RFTN1: variants seen among roughly 807,000 people sequenced by gnomAD.
The protein encoded by RFTN1 is raftlin, lipid raft linker 1.
A neutral mutation model predicts 46.5 loss-of-function variants in RFTN1; 26 were observed. The observed-to-expected ratio is 0.56, with a 90% CI of 0.41 to 0.78. The LOEUF is 0.78. RFTN1 is among the 30% of genes least tolerant of loss of function. RFTN1 has a pLI of 0.00. For missense variants in RFTN1, 693 were observed against 718.7 expected (o/e 0.96, Z 0.41); for synonymous variants, 261 against 284.2 (o/e 0.92, Z 0.82).
In RFTN1 at chr3:16,413,080, T is replaced by A. The variant is rs1424044506; in HGVS notation, c.333-3597A>T. ...TTTGAACCATGAAATGTGTTATCAT[T>A]TATTACAGAGCATAGAAAACTAATA... On this transcript the variant is annotated intron_variant, in intron 3 of 9. Coordinates refer to ENST00000334133, the MANE Select transcript of RFTN1 (RefSeq NM_015150.2). This position sits in a 1 kb window ranked among gnomAD's most constrained non-coding sequence, Gnocchi z 4.7. 2.0e-5 allele frequency among the ~76,000 whole-genome samples: 3 copies of A among 152,224 alleles called. No individual in the cohort carries two copies. The highest frequency in any genetic ancestry group is 6.5e-5 in the Admixed American group (1 of 15,284).
At chr3:16,495,900 C>G (rs2076617656) in intron 1 of RFTN1, among the ~76,000 whole-genome samples, 1 of 152,202 alleles carries the variant, frequency 6.6e-6, no homozygotes, top group South Asian at 2.1e-4. Context: ...GGCAGTGCTG[C>G]TTCAGTAGGG....
intron 2 of RFTN1, among the ~76,000 whole-genome samples, chr3:16,478,777 C>T (rs959988351): frequency 2.6e-5 from 4 of 152,328 alleles, no homozygotes; most frequent in Non-Finnish European, 5.9e-5. Flanking sequence ...CTTAGGGCCC[C>T]AATTCCTCAC....
rs1444731121 is a variant in RFTN1 at position 16,507,724 on chromosome 3, CACAA to C, written c.-9+5714_-9+5717del. Among the ~76,000 whole-genome samples the C allele has an allele frequency of 2.6e-5, 4 of 151,398 alleles. No homozygotes were observed. Among genetic ancestry groups the C allele is most frequent in the African/African-American group, 7.3e-5 (3 of 41,108 alleles). On this transcript the variant is annotated intron_variant, in intron 1 of 9. Coordinates refer to ENST00000334133, the MANE Select transcript of RFTN1 (RefSeq NM_015150.2). The surrounding 1 kb of genome is among the most constrained non-coding windows in gnomAD (Gnocchi z 7.1). ...ACATACATACACATACACACATACA[CACAA>C]ACACATACACACATACATGCACACT...
At chr3:16,482,233 A>G (rs1328966742) in intron 2 of RFTN1, among the ~76,000 whole-genome samples, 3 of 152,118 alleles carry the variant, frequency 2.0e-5, no homozygotes, top group Non-Finnish European at 4.4e-5. Context: ...AGACCACCCT[A>G]TTTGTCAGGC....
In RFTN1 at chr3:16,321,294, T is replaced by C. The variant is rs772990213; in HGVS notation, c.1332+2082A>G. On this transcript the variant is annotated intron_variant, in intron 9 of 9. Transcript: ENST00000334133. The surrounding 1 kb of genome is among the most constrained non-coding windows in gnomAD (Gnocchi z 4.8). ...CACAGAGGTGGTGAAGGAGATTTTC[T>C]AAGGAAGAGGCAAGAGTGAAGGGAG... is the stretch of plus-strand genomic sequence containing the variant. Among the ~76,000 whole-genome samples, 1 of 152,124 alleles carries C rather than the reference T, an allele frequency of 6.6e-6. No homozygotes were observed. Among genetic ancestry groups the C allele is most frequent in the Non-Finnish European group, 1.5e-5 (1 of 68,014 alleles).
In RFTN1 at chr3:16,370,792, A is replaced by C. The variant is rs761158018; in HGVS notation, c.827-513T>G. ...TCCTGGGGCTGAACCCATAATACTT[A>C]ATCAAGTACATCAAAAATACATCAT... is the stretch of plus-strand genomic sequence containing the variant. On this transcript the variant is annotated intron_variant, in intron 5 of 9. Coordinates refer to ENST00000334133, the MANE Select transcript of RFTN1 (RefSeq NM_015150.2). The surrounding 1 kb of genome is among the most constrained non-coding windows in gnomAD (Gnocchi z 5.5). 5.2e-5 allele frequency: 8 copies of C among 153,458 alleles called. No individual in the cohort carries two copies. Among genetic ancestry groups the C allele is most frequent in the Non-Finnish European group, 8.7e-5 (6 of 68,928 alleles). The allele number at this position is 153,458 out of a possible 1,614,324, so 9.5% of individuals were successfully genotyped here.
intron 4 of RFTN1, among the ~76,000 whole-genome samples, chr3:16,408,473 C>T (rs2074913570): frequency 6.7e-6 from 1 of 149,210 alleles, no homozygotes; most frequent in Non-Finnish European, 1.5e-5. Context: ...TTGTCGATTA[C>T]TAGGGAACAC....
chr3:16,419,811 A>G (rs2075151779), intron 3 of RFTN1, among the ~76,000 whole-genome samples: 1 of 152,200 alleles, frequency 6.6e-6, no homozygotes, highest in Non-Finnish European at 1.5e-5. Context: ...GAATTTACCC[A>G]CAGATGAGTC....
chr3:16,476,149 G>A (rs888991576), intron 2 of RFTN1, among the ~76,000 whole-genome samples: 6 of 152,184 alleles, frequency 3.9e-5, no homozygotes, highest in African/African-American at 9.6e-5. Context: ...CTGCATCCTC[G>A]CTTTGCCAGT....
In RFTN1 at chr3:16,361,560, G is replaced by C. The variant is rs1402613388; in HGVS notation, c.1031-3513C>G. ...GTGAACTAAGCAAGCAAGGAACATG[G>C]ATCTGCAGGGTTTGAGAGTTCCAGG... On this transcript the variant is annotated intron_variant, in intron 6 of 9. Coordinates refer to ENST00000334133, the MANE Select transcript of RFTN1 (RefSeq NM_015150.2). The surrounding 1 kb of genome is among the most constrained non-coding windows in gnomAD (Gnocchi z 4.3). Among the ~76,000 whole-genome samples the C allele has an allele frequency of 6.6e-6, 1 of 152,156 alleles. No homozygotes were observed. Among genetic ancestry groups the C allele is most frequent in the Non-Finnish European group, 1.5e-5 (1 of 68,024 alleles).
rs2076337288 is a variant in RFTN1, at chr3:16,479,893, A to G, written c.145+13832T>C. ...AAGGCAAATAATGGTAAATCATGGCAGATGCTTCTCCAAGATAACACACAG... is the reference window on the plus strand; with the variant it reads ...AAGGCAAATAATGGTAAATCATGGCGGATGCTTCTCCAAGATAACACACAG... On this transcript the variant is annotated intron_variant, in intron 2 of 9. Coordinates refer to ENST00000334133, the MANE Select transcript of RFTN1 (RefSeq NM_015150.2). This position sits in a 1 kb window ranked among gnomAD's most constrained non-coding sequence, Gnocchi z 5.1. 1.3e-5 allele frequency among the ~76,000 whole-genome samples: 2 copies of G among 152,210 alleles called. No individual in the cohort carries two copies. Among genetic ancestry groups the G allele is most frequent in the African/African-American group, 2.4e-5 (1 of 41,452 alleles).
In RFTN1 at chr3:16,421,056, G is replaced by A. The variant is rs1040484239; in HGVS notation, c.333-11573C>T. ...CTCCAAATTTTTCTGATCACACAGC[G>A]TGCCAGAAAAAAATTCCTGAGTACC... On this transcript the variant is annotated intron_variant, in intron 3 of 9. Coordinates refer to ENST00000334133, the MANE Select transcript of RFTN1 (RefSeq NM_015150.2). This position sits in a 1 kb window ranked among gnomAD's most constrained non-coding sequence, Gnocchi z 4.6. 4.6e-5 allele frequency among the ~76,000 whole-genome samples: 7 copies of A among 152,090 alleles called. No individual in the cohort carries two copies. Among genetic ancestry groups the A allele is most frequent in the African/African-American group, 7.2e-5 (3 of 41,412 alleles).
intron 3 of RFTN1, among the ~76,000 whole-genome samples, chr3:16,412,919 G>A (rs1315082507): frequency 6.6e-6 from 1 of 152,222 alleles, no homozygotes; most frequent in African/African-American, 2.4e-5. Flanking sequence ...GAGGGAGGCT[G>A]GAAGTGGGGC....
intron 7 of RFTN1, chr3:16,349,965 T>G (rs2071982040): frequency 6.6e-6 from 1 of 152,242 alleles, no homozygotes; most frequent in African/African-American, 2.4e-5. Flanking sequence ...CTTAAGGCCT[T>G]CAACTGATTG....
rs1262712168 is a variant in RFTN1, at chr3:16,387,861, G to C, written c.442-9759C>G. Among the ~76,000 whole-genome samples the C allele has an allele frequency of 1.1e-4, 16 of 151,750 alleles. No individual in the cohort carries two copies. Among genetic ancestry groups the C allele is most frequent in the Non-Finnish European group, 1.5e-5 (1 of 67,990 alleles). ...TAGCCCTCACCACCCCATCCTCTCT[G>C]GTAGCTCATGCATTCCCCTCCTCCT... On this transcript the variant is annotated intron_variant, in intron 4 of 9. Coordinates refer to ENST00000334133, the MANE Select transcript of RFTN1 (RefSeq NM_015150.2). The surrounding 1 kb of genome is among the most constrained non-coding windows in gnomAD (Gnocchi z 5.2).
chr3:16,442,115 G>GT lies in RFTN1; in HGVS notation c.146-8079dup, dbSNP rs1459108020. On this transcript the variant is annotated intron_variant, in intron 2 of 9. Transcript: ENST00000334133. This position sits in a 1 kb window ranked among gnomAD's most constrained non-coding sequence, Gnocchi z 4.1. ...TCATCTTCTCATTAAACAAACTCAT[G>GT]TATCTGAAACTTAAAAAACAAAACA... 1.3e-5 allele frequency among the ~76,000 whole-genome samples: 2 copies of GT among 152,094 alleles called. No individual in the cohort carries two copies. Among genetic ancestry groups the GT allele is most frequent in the African/African-American group, 4.8e-5 (2 of 41,408 alleles).
intron 7 of RFTN1, among the ~76,000 whole-genome samples, chr3:16,343,926 G>C (rs2071475143): frequency 6.6e-6 from 1 of 152,208 alleles, no homozygotes; most frequent in Non-Finnish European, 1.5e-5. Flanking sequence ...GGTGGCATTA[G>C]GGTTGGGCTG....
intron 2 of RFTN1, chr3:16,454,804 A>G (rs1301820229): frequency 1.0e-6 from 1 of 985,062 alleles, no homozygotes; most frequent in African/African-American, 1.7e-5. Context: ...CGTGTCTCCC[A>G]GGGAAGGCAG....
intron 3 of RFTN1, among the ~76,000 whole-genome samples, chr3:16,414,179 T>C (rs2075026833): frequency 6.6e-6 from 1 of 150,854 alleles, no homozygotes; most frequent in African/African-American, 2.4e-5. Context: ...CATCAATAGA[T>C]AGAAGTGACA....
Sources: allele counts gnomAD v4.1 joint callset (sites outside exome capture counted in the v4.1 genomes callset), GRCh38; gene constraint gnomAD v4.1.1; non-coding constraint Gnocchi (gnomAD v3.1); transcripts MANE v1.5; gene names NCBI Gene and HGNC (gene_info 2026-07-23, HGNC 2026-07-21).